Variants in SBF2 observed in about 807,000 individuals in gnomAD.
The protein encoded by SBF2 is SET binding factor 2, also known as myotubularin-related protein 13.
A neutral mutation model predicts 225.2 loss-of-function variants in SBF2; 112 were observed. The observed-to-expected ratio is 0.50, with a 90% confidence interval of 0.43 to 0.58. SBF2 has a LOEUF of 0.58. SBF2 is among the 20% of genes least tolerant of loss of function. The pLI, the probability that SBF2 is intolerant of heterozygous loss-of-function variation, is 0.00. For missense variants in SBF2, 1,996 were observed against 2,206.2 expected, an observed-to-expected ratio of 0.90 and a Z score of 1.91; for synonymous variants, 763 against 773.3, an observed-to-expected ratio of 0.99 and a Z score of 0.22.
intron 16 of SBF2, among the ~76,000 whole-genome samples, chr11:9,926,158 G>GT (rs980039304): frequency 2.6e-5 from 4 of 152,014 alleles, no homozygotes; most frequent in African/African-American, 7.2e-5. Flanking sequence ...TAGTCTCCTT[G>GT]TTTTTTTCCC....
At chr11:10,233,611 C>G (rs186794098) in intron 1 of SBF2, among the ~76,000 whole-genome samples, 2 of 114,392 alleles carry the variant, frequency 1.7e-5, no homozygotes, top group South Asian at 5.8e-4. Context: ...TGATAATTCT[C>G]CAAAAAAAAA....
chr11:9,998,319 G>C lies in SBF2; in HGVS notation c.922C>G (p.Leu308Val). 1 of 1,609,770 alleles carries C rather than the reference G, an allele frequency of 6.2e-7. No individual in the cohort carries two copies. Among genetic ancestry groups the C allele is most frequent in the Non-Finnish European group, 8.5e-7 (1 of 1,176,312 alleles). Residue 308 changes from leucine (L) to valine (V), a missense_variant, in exon 9 of 40, where the codon CTC becomes GTC. Physicochemically the swap from Leu to Val is conservative, Grantham distance 32. Transcript: ENST00000256190. The part of the protein sequence containing the change: ...GTIKIPECIH[L>V]SSLPEPLLHQ... ...AGAAGTGGTTCTGGGAGGGAAGAGAGGTGAATACATTCGGGAATTTTAATA... is the reference window on the plus strand; with the variant it reads ...AGAAGTGGTTCTGGGAGGGAAGAGACGTGAATACATTCGGGAATTTTAATA...
intron 1 of SBF2, among the ~76,000 whole-genome samples, chr11:10,226,396 T>C (rs1958550896): frequency 6.6e-6 from 1 of 152,108 alleles, no homozygotes. Flanking sequence ...TTGTAACATA[T>C]GTATACATGT....
chr11:9,787,951 G>A, intron 35 of SBF2: 1 of 600,580 alleles, frequency 1.7e-6, no homozygotes, highest in Non-Finnish European at 3.0e-6. Flanking sequence ...GGTTTATTAG[G>A]ACCTATAACT....
intron 36 of SBF2, 150 bp from the exon 37 acceptor site, chr11:9,785,468 C>T (rs558458365): frequency 6.2e-4 from 427 of 691,364 alleles, no homozygotes; most frequent in Admixed American, 3.4e-3. Context: ...AGTTAGTTAT[C>T]GTGGTAAAAA....
At chr11:9,960,066 A>G (rs1866463344) in intron 16 of SBF2, 2 of 227,686 alleles carry the variant, frequency 8.8e-6, no homozygotes, top group South Asian at 1.3e-4. Context: ...GCGCAATTAT[A>G]GTGTACTGCA....
chr11:9,780,269 T>TA lies in SBF2; in HGVS notation c.*148dup, dbSNP rs1851922462. On this transcript the variant is annotated 3_prime_UTR_variant, in exon 40 of 40. Coordinates refer to ENST00000256190, the MANE Select transcript of SBF2 (RefSeq NM_030962.4). ...GAAACACCTATTCAGGTTAAGTAGA[T>TA]ATAGCAACCCCTGCAAGAGGGGACT... The TA allele has an allele frequency of 1.4e-6, 1 of 714,616 alleles. No homozygotes were observed. Among genetic ancestry groups the TA allele is most frequent in the Non-Finnish European group, 2.5e-6 (1 of 400,624 alleles). The allele number at this position is 714,616 out of a possible 1,614,324, so 44.3% of individuals were successfully genotyped here.
chr11:10,007,971 G>A (rs1488983367), intron 6 of SBF2, among the ~76,000 whole-genome samples: 2 of 152,172 alleles, frequency 1.3e-5, no homozygotes, highest in African/African-American at 4.8e-5. Flanking sequence ...CACTTGGAGG[G>A]ATTTCTCAGT....
At chr11:10,239,928 TTAG>T (rs1238601004) in intron 1 of SBF2, among the ~76,000 whole-genome samples, 3 of 152,128 alleles carry the variant, frequency 2.0e-5, no homozygotes, top group Non-Finnish European at 4.4e-5. Context: ...ATGAATAAAA[TTAG>T]TAGTGAGCCA....
chr11:9,853,950 C>T (rs148059457), intron 19 of SBF2, among the ~76,000 whole-genome samples: 140 of 152,106 alleles, frequency 9.2e-4, no homozygotes, highest in Middle Eastern at 3.4e-3. Context: ...TTGTTTGGAC[C>T]CAGATTTGTT....
intron 2 of SBF2, chr11:10,164,905 T>A (rs1401656746): frequency 6.6e-6 from 1 of 152,218 alleles, no homozygotes; most frequent in Non-Finnish European, 1.5e-5. Context: ...CACACTAAAC[T>A]ACCACAATTT....
At chr11:10,141,453 CTAAT>C (rs890098906) in intron 2 of SBF2, among the ~76,000 whole-genome samples, 4 of 152,124 alleles carry the variant, frequency 2.6e-5, no homozygotes, top group East Asian at 1.9e-4. Context: ...CTGTAAATAA[CTAAT>C]TATTTTAGAA....
At chr11:10,188,242 T>C (rs1440495952) in intron 2 of SBF2, among the ~76,000 whole-genome samples, 2 of 152,058 alleles carry the variant, frequency 1.3e-5, no homozygotes, top group Non-Finnish European at 2.9e-5. Context: ...ATGGGATGAA[T>C]AGAAATAGAA....
rs568725966 is a variant in SBF2 at position 9,986,370 on chromosome 11, G to C, written c.1395+3127C>G. 2.7e-4 allele frequency among the ~76,000 whole-genome samples: 41 copies of C among 152,032 alleles called. 1 individual carries two copies. The South Asian group carries it at 4.8e-3, about 18-fold the overall frequency. On this transcript the variant is annotated intron_variant, in intron 13 of 39. Coordinates refer to ENST00000256190, the MANE Select transcript of SBF2 (RefSeq NM_030962.4). ...CAGACAATCTAAGGTCATACCTCAA[G>C]GAACTAGAGAAACAAGAACAAACCA... is the stretch of plus-strand genomic sequence containing the variant.
intron 6 of SBF2, chr11:10,016,932 T>C (rs1017159493): frequency 3.3e-5 from 5 of 152,262 alleles, no homozygotes; most frequent in South Asian, 2.1e-4. Context: ...ATCAGTTTTC[T>C]ATATAACTGA....
At chr11:10,263,113 G>C (rs1352351339) in intron 1 of SBF2, among the ~76,000 whole-genome samples, 1 of 151,688 alleles carries the variant, frequency 6.6e-6, no homozygotes, top group Non-Finnish European at 1.5e-5. Flanking sequence ...CCTCCTTATA[G>C]ATACCTTCTT....
intron 3 of SBF2, among the ~76,000 whole-genome samples, chr11:10,037,945 T>C (rs1004778240): frequency 4.6e-5 from 7 of 152,036 alleles, no homozygotes; most frequent in Non-Finnish European, 1.0e-4. Context: ...AATTATATGA[T>C]ACTATGTTTA....
At chr11:10,217,304 C>T (rs1174130605) in intron 1 of SBF2, among the ~76,000 whole-genome samples, 2 of 152,102 alleles carry the variant, frequency 1.3e-5, no homozygotes, top group African/African-American at 4.8e-5. Flanking sequence ...GAAAAGAGGT[C>T]TTATTTTGAG....
chr11:10,092,223 A>G (rs1033780176), intron 2 of SBF2, among the ~76,000 whole-genome samples: 1 of 152,180 alleles, frequency 6.6e-6, no homozygotes, highest in Non-Finnish European at 1.5e-5. Context: ...TAAGGGTCTC[A>G]GGCCCTAGAA....
Sources: gnomAD v4.1 joint callset for allele counts (sites outside exome capture counted in the v4.1 genomes callset) on GRCh38, gnomAD v4.1.1 for gene constraint, MANE v1.5 for transcripts, NCBI Gene and HGNC (gene_info 2026-07-23, HGNC 2026-07-21) for gene names.